Variants in PSG2 observed in about 807,000 individuals in gnomAD.
PSG2 encodes the protein pregnancy-specific beta-1-glycoprotein 2.
In PSG2, 49 loss-of-function variants were observed where a neutral mutation model predicts 36.2. The observed-to-expected ratio is 1.35, with a 90% confidence interval of 1.08 to 1.72. PSG2 has a LOEUF of 1.72. PSG2 is among the 40% of genes most tolerant of loss of function. The pLI is 0.00. For missense variants in PSG2, 605 were observed against 407.2 expected, an observed-to-expected ratio of 1.49 and a Z score of -4.18; for synonymous variants, 261 against 155.6, an observed-to-expected ratio of 1.68 and a Z score of -5.04.
At chr19:43,067,201 T>C (rs1272099929) in intron 4 of PSG2, among the ~76,000 whole-genome samples, 1 of 151,468 alleles carries the variant, frequency 6.6e-6, no homozygotes, top group Non-Finnish European at 1.5e-5. Flanking sequence ...TTTCTCTTTG[T>C]TTTTCATAGG....
In PSG2 at chr19:43,080,972, G is replaced by A. The variant is rs1406672842; in HGVS notation, c.339C>T (p.Thr113=). ...SNASLLIQNV[T]REDAGSYTLH... is the part of the protein sequence containing the mutation. ...AGGTGTAGGATCCTGCGTCCTCCCG[G>A]GTGACATTCTGGATCAGCAGGGATG... is the stretch of plus-strand genomic sequence containing the variant. The change falls in exon 2 of 6, where the codon ACC becomes ACT. Residue 113 remains threonine (T), a synonymous_variant. Coordinates refer to ENST00000406487, the MANE Select transcript of PSG2 (RefSeq NM_031246.4). The A allele has an allele frequency of 6.2e-7, 1 of 1,612,970 alleles. No individual in the cohort carries two copies. The highest frequency in any genetic ancestry group is 8.5e-7 in the Non-Finnish European group (1 of 1,179,682).
At chr19:43,073,585 G>C (rs866931444) in intron 3 of PSG2, among the ~76,000 whole-genome samples, 7 of 151,864 alleles carry the variant, frequency 4.6e-5, no homozygotes, top group African/African-American at 9.7e-5. Flanking sequence ...AATCTACTCT[G>C]TGATTCCCTG....
rs369311721 is a variant in PSG2 at position 43,073,019 on chromosome 19, C to A, written c.710-1065G>T. ...CCAAATTCCATCCTACTTTGCCCCC[C>A]TAGATGTGATTTCTCTGCAGCTTCC... On this transcript the variant is annotated intron_variant, in intron 3 of 5. Coordinates refer to ENST00000406487, the MANE Select transcript of PSG2 (RefSeq NM_031246.4). Among the ~76,000 whole-genome samples, 198 of 151,762 alleles carry A rather than the reference C, an allele frequency of 1.3e-3. 5 individuals are homozygous for A. Among genetic ancestry groups the A allele is most frequent in the African/African-American group, 4.3e-3 (176 of 41,214 alleles).
chr19:43,077,593 C>G (rs1220137850), intron 2 of PSG2, among the ~76,000 whole-genome samples: 1 of 151,708 alleles, frequency 6.6e-6, no homozygotes, highest in African/African-American at 2.4e-5. Context: ...ACGGCATCAT[C>G]ATGAGGAAAC....
At position 43,072,477 on chromosome 19, in the gene PSG2, G is replaced by A. The variant is rs547315733; in HGVS notation, c.710-523C>T. On this transcript the variant is annotated intron_variant, in intron 3 of 5. Coordinates refer to ENST00000406487, the MANE Select transcript of PSG2 (RefSeq NM_031246.4). ...ATGAGGATCCTGTTTTCAATGGGTC[G>A]CTTTACCCTGGGACTGACCGGGAGG... The A allele has an allele frequency of 1.5e-5, 24 of 1,611,366 alleles. 1 individual carries two copies. Among genetic ancestry groups the A allele is most frequent in the East Asian group, 6.7e-5 (3 of 44,878 alleles).
rs1287470057 is a variant in PSG2 at position 43,082,638 on chromosome 19, C to G, written c.-69G>C. On this transcript the variant is annotated 5_prime_UTR_variant, in exon 1 of 6. Coordinates refer to ENST00000406487, the MANE Select transcript of PSG2 (RefSeq NM_031246.4). ...GGATCCAGAAACTTCCTGAGCACGG[C>G]TGTCAGCTGTGCTGTCCTTCCTCCT... 1.8e-5 allele frequency: 29 copies of G among 1,584,814 alleles called. No homozygotes were observed. The East Asian group carries it at 6.5e-4, about 36-fold the overall frequency.
intron 2 of PSG2, among the ~76,000 whole-genome samples, chr19:43,077,136 A>G (rs187027920): frequency 3.4e-4 from 51 of 151,830 alleles, no homozygotes; most frequent in Admixed American, 1.0e-3. Flanking sequence ...GATGATCCAA[A>G]CATCTAAGAT....
Position 43,081,025 on chromosome 19 carries a change from T to C in PSG2, c.286A>G (p.Ser96Gly). Reference sequence around the variant, plus strand: ...TTGGAATATGCTGTTTCTCGTCCACTATATGCAGGCCCATATATAATTATT... The same window carrying C: ...TTGGAATATGCTGTTTCTCGTCCACCATATGCAGGCCCATATATAATTATT... The part of the protein sequence containing the change: ...GQIIIYGPAY[S>G]GRETAYSNAS... Residue 96 changes from serine to glycine, a missense_variant, in exon 2 of 6, where the codon AGT becomes GGT. Ser to Gly is a moderately conservative substitution (Grantham distance 56, BLOSUM62 0). Coordinates refer to ENST00000406487, the MANE Select transcript of PSG2 (RefSeq NM_031246.4). The C allele has an allele frequency of 1.9e-6, 3 of 1,613,114 alleles. No homozygotes were observed. The highest frequency in any genetic ancestry group is 2.2e-5 in the South Asian group (2 of 91,046).
Position 43,079,012 on chromosome 19 carries a change from C to G in PSG2, c.430+1869G>C, listed in dbSNP as rs146715709. Among the ~76,000 whole-genome samples, 746 of 151,720 alleles carry G rather than the reference C, an allele frequency of 4.9e-3. 15 individuals carry two copies. The highest frequency in any genetic ancestry group is 8.0e-3 in the Admixed American group (122 of 15,252). On this transcript the variant is annotated intron_variant, in intron 2 of 5. Transcript: ENST00000406487. ...TGGCAACTCCAGGTGATTTCTGCAC[C>G]TTTCCTATTTCCTGGGAGGTTGGCT...
Position 43,080,864 on chromosome 19 carries a change from C to A in PSG2, c.430+17G>T. ...CCCCTGTCCCCCAACACCCAGGGAT[C>A]ATGTGGAATCACTTACGGTATAAGG... On this transcript the variant is annotated intron_variant, in intron 2 of 5. Transcript: ENST00000406487. 2 of 1,611,806 alleles carry A rather than the reference C, an allele frequency of 1.2e-6. No individual in the cohort carries two copies. The highest frequency in any genetic ancestry group is 1.7e-6 in the Non-Finnish European group (2 of 1,178,980).
chr19:43,067,273 C>A (rs970393683), intron 4 of PSG2, among the ~76,000 whole-genome samples: 2 of 151,434 alleles, frequency 1.3e-5, no homozygotes, highest in South Asian at 2.1e-4. Flanking sequence ...GCCCCACATT[C>A]CCTCACAGAT....
chr19:43,071,671 T>A, intron 4 of PSG2, 29 bp downstream of exon 4: 1 of 1,612,682 alleles, frequency 6.2e-7, no homozygotes, highest in Non-Finnish European at 8.5e-7. Flanking sequence ...CCTAAAACCC[T>A]ACTGCCAAGG....
chr19:43,065,576 T>C (rs1290979336), intron 5 of PSG2: 1 of 151,730 alleles, frequency 6.6e-6, no homozygotes, highest in Non-Finnish European at 1.5e-5. Flanking sequence ...TGTGTAGCTC[T>C]ATTTCCCATC....
chr19:43,071,176 C>G (rs1278878783), intron 4 of PSG2, among the ~76,000 whole-genome samples: 1 of 151,478 alleles, frequency 6.6e-6, no homozygotes, highest in Non-Finnish European at 1.5e-5. Context: ...TGGTCCCACC[C>G]CAGGTGGAGT....
chr19:43,070,934 T>C (rs1389774827), intron 4 of PSG2, among the ~76,000 whole-genome samples: 1 of 151,644 alleles, frequency 6.6e-6, no homozygotes. Context: ...TGAATCTCCC[T>C]ATTTCTCTAG....
At chr19:43,077,911 A>C (rs1340558212) in intron 2 of PSG2, among the ~76,000 whole-genome samples, 1 of 151,660 alleles carries the variant, frequency 6.6e-6, no homozygotes, top group African/African-American at 2.4e-5. Context: ...CGAGTGACAA[A>C]TTCCAAGCTT....
chr19:43,076,884 A>T (rs28718994), intron 2 of PSG2, among the ~76,000 whole-genome samples: 1 of 151,476 alleles, frequency 6.6e-6, no homozygotes, highest in African/African-American at 2.4e-5. Flanking sequence ...CAAATCTGAA[A>T]AATTTAAAAT....
In PSG2 at chr19:43,081,169, C is replaced by A. The variant is rs745687853; in HGVS notation, c.142G>T (p.Gly48Trp). The change falls in exon 2 of 6, where the codon GGG becomes TGG. Residue 48 changes from glycine (G) to tryptophan (W), a missense_variant. Coordinates refer to ENST00000406487, the MANE Select transcript of PSG2 (RefSeq NM_031246.4). Reference sequence around the variant, plus strand: ...TGGACAAGTAGAAGAACATCCTTCCCCTCGGAAACTTTTGGTGGCTGGGCT... The same window carrying A: ...TGGACAAGTAGAAGAACATCCTTCCACTCGGAAACTTTTGGTGGCTGGGCT... ...IEAQPPKVSE[G>W]KDVLLLVHNL... 57 of 1,612,588 alleles carry A rather than the reference C, an allele frequency of 3.5e-5. No individual in the cohort carries two copies. In the Admixed American group the frequency reaches 9.5e-4, roughly 27 times the overall value.
intron 2 of PSG2, among the ~76,000 whole-genome samples, chr19:43,079,615 A>G (rs1363225518): frequency 6.6e-6 from 1 of 151,624 alleles, no homozygotes; most frequent in African/African-American, 2.4e-5. Flanking sequence ...AGTGACATGG[A>G]CACTTTGGGA....
Sources: gnomAD v4.1 joint callset for allele counts (sites outside exome capture counted in the v4.1 genomes callset) on GRCh38, gnomAD v4.1.1 for gene constraint, MANE v1.5 for transcripts, NCBI Gene and HGNC (gene_info 2026-07-23, HGNC 2026-07-21) for gene names.